Variants in SDCCAG8 observed in about 807,000 individuals in gnomAD.
SDCCAG8 encodes the protein serologically defined colon cancer antigen 8.
Under a neutral mutation model 101.8 loss-of-function variants are expected in SDCCAG8, and 74 were observed. The ratio of observed to expected loss-of-function variants is 0.73; its 90% CI spans 0.60 to 0.88. The LOEUF (loss-of-function observed/expected upper bound fraction) is 0.88. Ranked by LOEUF, SDCCAG8 falls within the 40% of genes least tolerant of loss-of-function variation. The probability of loss-of-function intolerance (pLI) is 0.00; values close to 1 mark genes in which losing one functional copy is unlikely to be tolerated. For synonymous variants in SDCCAG8, 281 were observed against 292.9 expected (o/e 0.96, Z 0.41); for missense variants, 787 against 822.6 (o/e 0.96, Z 0.53).
At chr1:243,372,968 TAATA>T (rs2077390675) in intron 12 of SDCCAG8, among the ~76,000 whole-genome samples, 1 of 143,738 alleles carries the variant, frequency 7.0e-6, no homozygotes, top group African/African-American at 2.5e-5. Flanking sequence ...ATATATATCT[TAATA>T]TATATATAAG....
At chr1:243,450,917 C>G (rs931999191) in intron 16 of SDCCAG8, among the ~76,000 whole-genome samples, 5 of 152,182 alleles carry the variant, frequency 3.3e-5, no homozygotes, top group African/African-American at 1.2e-4. Flanking sequence ...CCTCGGCCTC[C>G]CAAAATCCTG....
At chr1:243,299,867 A>ATTT (rs779092727) in intron 6 of SDCCAG8, among the ~76,000 whole-genome samples, 2 of 140,730 alleles carry the variant, frequency 1.4e-5, no homozygotes, top group Non-Finnish European at 3.1e-5. Context: ...CTTTGAATTA[A>ATTT]TTTTTTTTTT....
rs562280336 is a variant in SDCCAG8, at chr1:243,271,356, T to A, written c.306+293T>A. ...TGTAATATAAATATATAATATATAA[T>A]AAATTAATATAATAAATTATATGTC... On this transcript the variant is annotated intron_variant, in intron 3 of 17. Coordinates refer to ENST00000366541, the MANE Select transcript of SDCCAG8 (RefSeq NM_006642.5). Among the ~76,000 whole-genome samples the A allele has an allele frequency of 2.0e-5, 3 of 148,480 alleles. No individual in the cohort carries two copies. In the South Asian group the frequency reaches 6.3e-4, roughly 31 times the overall value.
chr1:243,296,582 G>A (rs1189771436), intron 6 of SDCCAG8, among the ~76,000 whole-genome samples: 1 of 107,684 alleles, frequency 9.3e-6, no homozygotes. Context: ...TCGTTCTGTC[G>A]CCCAGGCGGG....
At chr1:243,414,465 C>T (rs2080424478) in intron 13 of SDCCAG8, among the ~76,000 whole-genome samples, 1 of 152,206 alleles carries the variant, frequency 6.6e-6, no homozygotes, top group Non-Finnish European at 1.5e-5. Flanking sequence ...CAGACAGGAC[C>T]TTATTTCACA....
At chr1:243,422,865 G>C (rs1463856094) in intron 15 of SDCCAG8, among the ~76,000 whole-genome samples, 3 of 152,046 alleles carry the variant, frequency 2.0e-5, no homozygotes, top group Non-Finnish European at 2.9e-5. Context: ...AAAATACAGG[G>C]GAAAGTTCAT....
chr1:243,395,566 T>C (rs1257600256), intron 13 of SDCCAG8, among the ~76,000 whole-genome samples: 1 of 152,194 alleles, frequency 6.6e-6, no homozygotes, highest in African/African-American at 2.4e-5. Flanking sequence ...ACATTATATA[T>C]TACATGAGAA....
chr1:243,392,551 C>T (rs750964954), intron 13 of SDCCAG8, among the ~76,000 whole-genome samples: 3 of 152,226 alleles, frequency 2.0e-5, no homozygotes, highest in Admixed American at 6.5e-5. Flanking sequence ...TAGTTAACAA[C>T]GTTTGGTTTG....
chr1:243,391,724 AT>A (rs2078712046), intron 13 of SDCCAG8, among the ~76,000 whole-genome samples: 2 of 152,230 alleles, frequency 1.3e-5, no homozygotes, highest in Admixed American at 1.3e-4. Flanking sequence ...TGACCAGGAG[AT>A]TTACCAAAAG....
At chr1:243,446,433 T>C (rs577342025) in intron 16 of SDCCAG8, among the ~76,000 whole-genome samples, 13 of 152,164 alleles carry the variant, frequency 8.5e-5, no homozygotes, top group Middle Eastern at 3.4e-3. Flanking sequence ...TGCCGGCTAA[T>C]TTTTGTATGT....
chr1:243,262,326 G>A (rs1378692823), intron 1 of SDCCAG8, among the ~76,000 whole-genome samples: 2 of 121,092 alleles, frequency 1.7e-5, no homozygotes, highest in Non-Finnish European at 1.9e-5. Context: ...GGCTGGTCTC[G>A]AACTCCTGGC....
At chr1:243,459,342 A>G (rs1186164528) in intron 16 of SDCCAG8, among the ~76,000 whole-genome samples, 2 of 152,190 alleles carry the variant, frequency 1.3e-5, no homozygotes, top group Non-Finnish European at 2.9e-5. Flanking sequence ...CTGAAAGTTC[A>G]TAGTATCTTT....
Position 243,451,316 on chromosome 1 carries a change from A to G in SDCCAG8, c.1985+24758A>G, listed in dbSNP as rs571434107. ...AGATATTGTAAGATGGAAAACATTCATGCCATACCTCCCTTAGAAACAACA... is the reference window on the plus strand; with the variant it reads ...AGATATTGTAAGATGGAAAACATTCGTGCCATACCTCCCTTAGAAACAACA... On this transcript the variant is annotated intron_variant, in intron 16 of 17. Coordinates refer to ENST00000366541, the MANE Select transcript of SDCCAG8 (RefSeq NM_006642.5). Among the ~76,000 whole-genome samples, 39 of 152,330 alleles carry G rather than the reference A, an allele frequency of 2.6e-4. No homozygotes were observed. In the South Asian group the frequency reaches 7.9e-3, roughly 31 times the overall value.
chr1:243,343,263 G>C (rs1478212175), intron 11 of SDCCAG8, among the ~76,000 whole-genome samples: 2 of 152,148 alleles, frequency 1.3e-5, no homozygotes, highest in African/African-American at 4.8e-5. Context: ...ATAACGGTGA[G>C]ATAATATATT....
At position 243,344,276 on chromosome 1, in the gene SDCCAG8, AG is replaced by A. The variant is rs397515335; in HGVS notation, c.1420del (p.Glu474SerfsTer20). ...AACATGGAGAAGGATGAGGCAGAAA[AG>A]GAGCACAGAGAGTTCAGAGCAAAAA... ...KTNMEKDEAE[K>X]EHREFRAKTN... On this transcript the variant is annotated frameshift_variant, in exon 12 of 18. Coordinates refer to ENST00000366541, the MANE Select transcript of SDCCAG8 (RefSeq NM_006642.5). LOFTEE classifies it high-confidence loss of function. The A allele has an allele frequency of 1.7e-5, 27 of 1,613,934 alleles. No individual in the cohort carries two copies. The African/African-American group carries it at 3.5e-4, about 21-fold the overall frequency.
At chr1:243,340,994 T>G in intron 10 of SDCCAG8, 45 bp from the exon 11 acceptor site, 1 of 1,588,394 alleles carries the variant, frequency 6.3e-7, no homozygotes, top group Non-Finnish European at 8.6e-7. Context: ...AGTATTTGAT[T>G]TGTCAAATGA....
chr1:243,279,288 TGA>T (rs373497557), intron 4 of SDCCAG8, among the ~76,000 whole-genome samples: 18 of 152,320 alleles, frequency 1.2e-4, no homozygotes, highest in African/African-American at 4.3e-4. Flanking sequence ...TCCTAGTTAC[TGA>T]GAGTACAGAT....
chr1:243,491,237 C>A (rs576250858), intron 17 of SDCCAG8, among the ~76,000 whole-genome samples: 1 of 152,294 alleles, frequency 6.6e-6, no homozygotes, highest in Non-Finnish European at 1.5e-5. Context: ...CTGGCTATTG[C>A]CAAATGAGTT....
chr1:243,267,708 CTG>C (rs2067739440), intron 1 of SDCCAG8: 2 of 793,304 alleles, frequency 2.5e-6, no homozygotes, highest in Admixed American at 1.7e-5. Context: ...GCATAGGTTC[CTG>C]TGTGTGTACA....
Sources: allele counts gnomAD v4.1 joint callset (sites outside exome capture counted in the v4.1 genomes callset), GRCh38; gene constraint gnomAD v4.1.1; transcripts MANE v1.5; gene names NCBI Gene and HGNC (gene_info 2026-07-23, HGNC 2026-07-21).